The following GPR37 variants were observed in gnomAD, a reference collection of about 807,000 sequenced individuals.
GPR37 encodes the protein prosaposin receptor GPR37.
Under a neutral mutation model 43.6 loss-of-function variants are expected in GPR37, and 20 were observed. That is an observed-to-expected ratio of 0.46 (90% CI 0.32 to 0.67). GPR37 has a LOEUF of 0.67. GPR37 is among the 30% of genes least tolerant of loss of function. The pLI, the probability that GPR37 is intolerant of heterozygous loss-of-function variation, is 0.03. For missense variants in GPR37, 724 were observed against 797.2 expected (o/e 0.91, Z 1.11); for synonymous variants, 315 against 322.6 (o/e 0.98, Z 0.25).
rs1292657844 is a variant in GPR37 at position 124,746,463 on chromosome 7, TA to T, written c.*61del. 7.9e-7 allele frequency: 1 copy of T among 1,271,770 alleles called. No individual in the cohort carries two copies. Among genetic ancestry groups the T allele is most frequent in the East Asian group, 2.4e-5 (1 of 41,386 alleles). The allele number at this position is 1,271,770 out of a possible 1,614,324, so 78.8% of individuals were successfully genotyped here. On this transcript the variant is annotated 3_prime_UTR_variant, in exon 2 of 2. Coordinates refer to ENST00000303921, the MANE Select transcript of GPR37 (RefSeq NM_005302.5). ...TTTCCCTATAAGGAAAAATATGAAT[TA>T]AAAACTTTCACGGGATATGAAAATC...
Position 124,745,097 on chromosome 7 carries a change from A to G in GPR37, c.*1428T>C, listed in dbSNP as rs1793655440. 6.6e-6 allele frequency: 1 copy of G among 152,186 alleles called. No homozygotes were observed. Among genetic ancestry groups the G allele is most frequent in the South Asian group, 2.1e-4 (1 of 4,828 alleles). The allele number at this position is 152,186 out of a possible 1,614,324, so 9.4% of individuals were successfully genotyped here. On this transcript the variant is annotated 3_prime_UTR_variant, in exon 2 of 2. Coordinates refer to ENST00000303921, the MANE Select transcript of GPR37 (RefSeq NM_005302.5). ...GCACTGCCATTTAAGTTTCACCTGC[A>G]CCAATCTCTTTAATGATTTTTAAAT...
At chr7:124,754,618 C>T (rs150062814) in intron 1 of GPR37, among the ~76,000 whole-genome samples, 1,571 of 152,168 alleles carry the variant, frequency 0.01, 28 homozygotes, top group African/African-American at 0.033. Context: ...AATTTCTAAC[C>T]AAGTTCTTGT....
Position 124,759,076 on chromosome 7 carries a change from T to TTC in GPR37, c.1023+4877_1023+4878insGA, listed in dbSNP as rs113759890. On this transcript the variant is annotated intron_variant, in intron 1 of 1. Transcript: ENST00000303921. ...GTCTGAATTATTTGAATTTTTTTTTTTTTTTTTTGAGACAGGGTCCCACTC... is the reference window on the plus strand; with the variant it reads ...GTCTGAATTATTTGAATTTTTTTTTTTCTTTTTTTTGAGACAGGGTCCCACTC... Among the ~76,000 whole-genome samples, 347 of 151,684 alleles carry TTC rather than the reference T, an allele frequency of 2.3e-3. 2 individuals are homozygous for TTC. Among genetic ancestry groups the TTC allele is most frequent in the African/African-American group, 7.8e-3 (323 of 41,288 alleles).
rs1348001410 is a variant in GPR37 at position 124,746,113 on chromosome 7, C to T, written c.*412G>A. The stretch of plus-strand genomic sequence containing the variant: ...GCTACTTTGTGAATGCTTCCAAGTA[C>T]AAATCATCTCACAATACCATATACA... On this transcript the variant is annotated 3_prime_UTR_variant, in exon 2 of 2. Transcript: ENST00000303921. 6.5e-6 allele frequency: 1 copy of T among 153,812 alleles called. No homozygotes were observed. The allele number at this position is 153,812 out of a possible 1,614,324, so 9.5% of individuals were successfully genotyped here.
At chr7:124,752,478 A>G (rs1438419844) in intron 1 of GPR37, among the ~76,000 whole-genome samples, 1 of 152,162 alleles carries the variant, frequency 6.6e-6, no homozygotes, top group East Asian at 1.9e-4. Context: ...CACTCATTAC[A>G]GTCTACTAGG....
rs372782097 is a variant in GPR37, at chr7:124,747,340, C to T, written c.1027G>A (p.Ala343Thr). 1.7e-5 allele frequency: 27 copies of T among 1,601,488 alleles called. No homozygotes were observed. The highest frequency in any genetic ancestry group is 1.5e-4 in the Admixed American group (9 of 59,316). ...SCKIVPYIEV[A>T]SLGVTTFTLC... ...GTGAAAGTGGTGACTCCCAGAGAAGCGACCTGTGGGGGAACATAGAAGACA... is the reference window on the plus strand; with the variant it reads ...GTGAAAGTGGTGACTCCCAGAGAAGTGACCTGTGGGGGAACATAGAAGACA... The change falls in exon 2 of 2, where the codon GCT becomes ACT. Residue 343 changes from alanine (A) to threonine (T), a missense_variant. Transcript: ENST00000303921.
At position 124,746,555 on chromosome 7, in the gene GPR37, G is replaced by A; in HGVS notation, c.1812C>T (p.Ser604=). 1 of 1,610,240 alleles carries A rather than the reference G, an allele frequency of 6.2e-7. No individual in the cohort carries two copies. The highest frequency in any genetic ancestry group is 1.1e-5 in the South Asian group (1 of 90,342). ...AATGAGTTCCGACAGAAGCAAAAGTGGACATTTCACGGCGTATGGTACTGA... is the reference window on the plus strand; with the variant it reads ...AATGAGTTCCGACAGAAGCAAAAGTAGACATTTCACGGCGTATGGTACTGA... ...SPFSTIRREM[S]TFASVGTHC The change falls in exon 2 of 2, where the codon TCC becomes TCT. Residue 604 remains serine (S), a synonymous_variant. Transcript: ENST00000303921.
intron 1 of GPR37, among the ~76,000 whole-genome samples, chr7:124,749,231 T>C (rs1371198564): frequency 1.3e-5 from 2 of 152,024 alleles, no homozygotes; most frequent in Non-Finnish European, 1.5e-5. Context: ...ACAAGAACAA[T>C]GAGTAGAAGG....
Position 124,746,511 on chromosome 7 carries a change from C to T in GPR37, c.*14G>A, listed in dbSNP as rs1584722356. On this transcript the variant is annotated 3_prime_UTR_variant, in exon 2 of 2. Transcript: ENST00000303921. ...AATCAAACAAATAAATCTGACCCAA[C>T]CAAGTACTGTCCTTCAGCAATGAGT... is the stretch of plus-strand genomic sequence containing the variant. The T allele has an allele frequency of 6.4e-7, 1 of 1,551,744 alleles. No homozygotes were observed. The highest frequency in any genetic ancestry group is 8.7e-7 in the Non-Finnish European group (1 of 1,145,348).
Position 124,746,343 on chromosome 7 carries a change from T to G in GPR37, c.*182A>C. On this transcript the variant is annotated 3_prime_UTR_variant, in exon 2 of 2. Coordinates refer to ENST00000303921, the MANE Select transcript of GPR37 (RefSeq NM_005302.5). ...GGCCTTCTCATTCTTCTTAAATAAC[T>G]AAATAGAAACTTTTTTTCAAAGCAC... The G allele has an allele frequency of 2.2e-6, 1 of 461,136 alleles. No individual in the cohort carries two copies. The highest frequency in any genetic ancestry group is 3.8e-6 in the Non-Finnish European group (1 of 260,778). 28.6% of individuals were successfully genotyped at this position (461,136 alleles called of 1,614,324 possible). A position where few individuals can be genotyped will look rare whatever the true frequency, so the allele number is the denominator to read the frequency against.
intron 1 of GPR37, among the ~76,000 whole-genome samples, chr7:124,751,374 G>T (rs1793734464): frequency 6.6e-6 from 1 of 152,040 alleles, no homozygotes; most frequent in Non-Finnish European, 1.5e-5. Flanking sequence ...TTTATGGTGT[G>T]AAAGAGCAAG....
In GPR37 at chr7:124,746,023, T is replaced by G. The variant is rs1266678789; in HGVS notation, c.*502A>C. On this transcript the variant is annotated 3_prime_UTR_variant, in exon 2 of 2. Coordinates refer to ENST00000303921, the MANE Select transcript of GPR37 (RefSeq NM_005302.5). ...TGTATCTTTAAGGCAATTAGAAGAT[T>G]TATTGAATATTGGTTAAAAGTAGAT... is the stretch of plus-strand genomic sequence containing the variant. The G allele has an allele frequency of 6.6e-6, 1 of 152,222 alleles. No individual in the cohort carries two copies. The allele number at this position is 152,222 out of a possible 1,614,324, so 9.4% of individuals were successfully genotyped here. A position where few individuals can be genotyped will look rare whatever the true frequency, so the allele number is the denominator to read the frequency against.
At chr7:124,756,248 GA>G (rs1562959331) in intron 1 of GPR37, among the ~76,000 whole-genome samples, 2 of 152,032 alleles carry the variant, frequency 1.3e-5, no homozygotes, top group African/African-American at 4.8e-5. Flanking sequence ...CAGAAAAAAA[GA>G]AAAAAGTAAC....
In GPR37 at chr7:124,746,002, T is replaced by C. The variant is rs1793666043; in HGVS notation, c.*523A>G. On this transcript the variant is annotated 3_prime_UTR_variant, in exon 2 of 2. Transcript: ENST00000303921. ...ATTGTGCATAGAACCAGTAATTGTA[T>C]CTTTAAGGCAATTAGAAGATTTATT... 6.6e-6 allele frequency: 1 copy of C among 152,228 alleles called. No individual in the cohort carries two copies. The highest frequency in any genetic ancestry group is 2.1e-4 in the South Asian group (1 of 4,824). The allele number at this position is 152,228 out of a possible 1,614,324, so 9.4% of individuals were successfully genotyped here.
Position 124,764,369 on chromosome 7 carries a change from C to T in GPR37, c.608G>A (p.Gly203Glu), listed in dbSNP as rs375679443. 2.5e-5 allele frequency: 41 copies of T among 1,613,628 alleles called. No homozygotes were observed. The highest frequency in any genetic ancestry group is 3.2e-5 in the Non-Finnish European group (38 of 1,180,024). Residue 203 changes from glycine to glutamate, a missense_variant, in exon 1 of 2, where the codon GGA (glycine) becomes GAA (glutamate). Around this residue, in one of 2 missense-constraint regions of GPR37, gnomAD observed 382 missense variants for 355.4 expected, o/e 1.07. Coordinates refer to ENST00000303921, the MANE Select transcript of GPR37 (RefSeq NM_005302.5). This position sits in a 1 kb window ranked among gnomAD's most constrained non-coding sequence, Gnocchi z 5.4. ...HHKPLSKTANGLAGHEGWTIA... is the reference protein window; with the variant it reads ...HHKPLSKTANELAGHEGWTIA... ...TGTCCACCCTTCGTGCCCCGCCAGT[C>T]CATTGGCCGTCTTGGACAGGGGCTT... is the stretch of plus-strand genomic sequence containing the variant.
intron 1 of GPR37, among the ~76,000 whole-genome samples, chr7:124,749,097 A>C (rs1793705072): frequency 6.6e-6 from 1 of 152,162 alleles, no homozygotes; most frequent in African/African-American, 2.4e-5. Context: ...GATGGGGACG[A>C]TGGTTCTCAA....
intron 1 of GPR37, among the ~76,000 whole-genome samples, chr7:124,758,873 T>C (rs1376117821): frequency 1.3e-5 from 2 of 152,290 alleles, no homozygotes; most frequent in East Asian, 3.9e-4. Context: ...CCTTCTGTTC[T>C]ACAACACTCC....
rs370280269 is a variant in GPR37, at chr7:124,763,985, T to A, written c.992A>T (p.Asp331Val). The A allele has an allele frequency of 6.2e-7, 1 of 1,613,742 alleles. No homozygotes were observed. The highest frequency in any genetic ancestry group is 1.3e-5 in the African/African-American group (1 of 74,840). ...HELTKKWLLE[D>V]FSCKIVPYIE... ...ATAGGGCACGATCTTGCAGGAGAAGTCCTCCAGCAGCCACTTCTTGGTCAG... is the reference window on the plus strand; with the variant it reads ...ATAGGGCACGATCTTGCAGGAGAAGACCTCCAGCAGCCACTTCTTGGTCAG... Residue 331 changes from aspartate (D) to valine (V), a missense_variant, in exon 1 of 2, where the codon GAC becomes GTC. Asp to Val is a radical substitution (Grantham distance 152). This residue lies in a region of GPR37 where 342 missense variants were observed against 441.8 expected (regional missense o/e 0.77). Transcript: ENST00000303921.
At chr7:124,763,567 GT>G (rs60841771) in intron 1 of GPR37, among the ~76,000 whole-genome samples, 88 of 147,316 alleles carry the variant, frequency 6.0e-4, no homozygotes, top group African/African-American at 1.4e-3. Context: ...AAATGCTAAT[GT>G]TTTTTTTTTT....
Sources: gnomAD v4.1 joint callset for allele counts (sites outside exome capture counted in the v4.1 genomes callset) on GRCh38, gnomAD v4.1.1 for gene constraint, gnomAD v4.1.1 regional missense constraint, Gnocchi (gnomAD v3.1) non-coding constraint, MANE v1.5 for transcripts, NCBI Gene and HGNC (gene_info 2026-07-23, HGNC 2026-07-21) for gene names.